The following TANGO6 variants were observed in gnomAD, a reference collection of about 807,000 sequenced individuals.
TANGO6 encodes transport and Golgi organization protein 6 homolog.
A neutral mutation model predicts 114.2 loss-of-function variants in TANGO6; 90 were observed. The observed-to-expected ratio is 0.79, with a 90% CI of 0.66 to 0.94. The LOEUF (loss-of-function observed/expected upper bound fraction) is 0.94, where lower values mean the gene tolerates loss of function less well. Ranked by LOEUF, TANGO6 falls within the 40% of genes least tolerant of loss-of-function variation. The pLI is 0.00. For synonymous variants in TANGO6, 477 were observed against 509.8 expected, an observed-to-expected ratio of 0.94 and a Z score of 0.87; for missense variants, 1,274 against 1,315.3, an observed-to-expected ratio of 0.97 and a Z score of 0.49.
At chr16:68,925,121 G>A (rs775082873) in intron 12 of TANGO6, among the ~76,000 whole-genome samples, 10 of 151,966 alleles carry the variant, frequency 6.6e-5, no homozygotes, top group Non-Finnish European at 1.3e-4. Flanking sequence ...GGCCAGCCCC[G>A]GCAACATGGC....
intron 15 of TANGO6, among the ~76,000 whole-genome samples, chr16:69,008,958 A>G (rs166118): frequency 0.63 from 95,237 of 151,600 alleles, 30,059 homozygotes; most frequent in Non-Finnish European, 0.66. Context: ...AATTTTGTAC[A>G]TGTGTCAAGA....
In TANGO6 at chr16:69,078,163, G is replaced by A. The variant is rs373666383; in HGVS notation, c.3109-5322G>A. Among the ~76,000 whole-genome samples the A allele has an allele frequency of 3.3e-5, 5 of 152,308 alleles. No homozygotes were observed. In the East Asian group the frequency reaches 9.7e-4, roughly 29 times the overall value. On this transcript the variant is annotated intron_variant, in intron 17 of 17. Transcript: ENST00000261778. ...ACTAGCATATGCAAAGGCCTTGAGAGGAGCTTTGTTCAGGCAAGAAAAGAA... is the reference window on the plus strand; with the variant it reads ...ACTAGCATATGCAAAGGCCTTGAGAAGAGCTTTGTTCAGGCAAGAAAAGAA...
intron 12 of TANGO6, among the ~76,000 whole-genome samples, chr16:68,926,439 A>G (rs1359953769): frequency 6.6e-6 from 1 of 151,324 alleles, no homozygotes; most frequent in African/African-American, 2.4e-5. Flanking sequence ...GGTTGCAGTG[A>G]GCCGAGATTA....
At chr16:68,953,698 A>T (rs1963496603) in intron 14 of TANGO6, among the ~76,000 whole-genome samples, 1 of 152,138 alleles carries the variant, frequency 6.6e-6, no homozygotes, top group African/African-American at 2.4e-5. Flanking sequence ...TGTAAAGTAG[A>T]CATTTAAGCA....
chr16:68,928,893 G>A (rs537616354), intron 13 of TANGO6, among the ~76,000 whole-genome samples: 24 of 152,124 alleles, frequency 1.6e-4, no homozygotes, highest in Admixed American at 1.3e-4. Context: ...TCCCTTCATC[G>A]TGGTGAAATA....
chr16:68,879,148 C>T (rs1022449714), intron 6 of TANGO6, among the ~76,000 whole-genome samples: 2 of 151,796 alleles, frequency 1.3e-5, no homozygotes, highest in African/African-American at 4.8e-5. Flanking sequence ...ACTTTAAAAA[C>T]TTTTTTTTAA....
Position 68,902,312 on chromosome 16 carries a change from C to T in TANGO6, c.1491-16C>T. On this transcript the variant is annotated splice_polypyrimidine_tract_variant and intron_variant, in intron 8 of 17. Transcript: ENST00000261778. ...AGTAAGATGACAAGCTCATTCATAACTGCTTTTTCTGCCAGGTCACTTTGC... is the reference window on the plus strand; with the variant it reads ...AGTAAGATGACAAGCTCATTCATAATTGCTTTTTCTGCCAGGTCACTTTGC... 1 of 1,602,478 alleles carries T rather than the reference C, an allele frequency of 6.2e-7. No individual in the cohort carries two copies. Among genetic ancestry groups the T allele is most frequent in the Non-Finnish European group, 8.5e-7 (1 of 1,175,076 alleles).
chr16:68,973,226 G>C (rs1288971960), intron 14 of TANGO6: 5 of 444,360 alleles, frequency 1.1e-5, no homozygotes, highest in South Asian at 8.0e-5. Context: ...GGTAGAAGTG[G>C]GTTCTCATCC....
chr16:68,883,423 T>G (rs1962492887), intron 7 of TANGO6, among the ~76,000 whole-genome samples: 1 of 152,248 alleles, frequency 6.6e-6, no homozygotes, highest in Admixed American at 6.5e-5. Flanking sequence ...GTGTTTTTTT[T>G]GTGATTGGCT....
intron 1 of TANGO6, chr16:68,846,476 A>G: frequency 6.1e-6 from 2 of 327,302 alleles, no homozygotes; most frequent in Non-Finnish European, 1.2e-5. Context: ...TCAAATAATT[A>G]TGTACATTCT....
intron 14 of TANGO6, among the ~76,000 whole-genome samples, chr16:68,931,863 C>CT (rs1346211800): frequency 3.3e-5 from 5 of 150,944 alleles, no homozygotes; most frequent in East Asian, 1.9e-4. Flanking sequence ...GAGTTATGCA[C>CT]TTTTTTTTTA....
intron 3 of TANGO6, among the ~76,000 whole-genome samples, chr16:68,866,718 C>T (rs993882537): frequency 2.6e-5 from 4 of 151,744 alleles, no homozygotes; most frequent in Non-Finnish European, 4.4e-5. Flanking sequence ...GGGTGGATCA[C>T]CTGAGGTCAG....
intron 17 of TANGO6, among the ~76,000 whole-genome samples, chr16:69,070,060 A>AG (rs1421387978): frequency 6.6e-6 from 1 of 151,188 alleles, no homozygotes; most frequent in East Asian, 1.9e-4. Context: ...AAAAAAAAAA[A>AG]AAAAGCTAGG....
intron 17 of TANGO6, among the ~76,000 whole-genome samples, chr16:69,058,798 T>C (rs564307998): frequency 6.6e-6 from 1 of 152,186 alleles, no homozygotes; most frequent in Non-Finnish European, 1.5e-5. Flanking sequence ...CTCGAGTAGC[T>C]GGGACTACAG....
rs77264986 is a variant in TANGO6 at position 69,026,360 on chromosome 16, T to C, written c.2994+3381T>C. The C allele has an allele frequency of 9.4e-3, 1,446 of 154,282 alleles. 23 individuals carry two copies. Among genetic ancestry groups the C allele is most frequent in the African/African-American group, 0.033 (1,371 of 41,566 alleles). 9.6% of individuals were successfully genotyped at this position (154,282 alleles called of 1,614,324 possible). The stretch of plus-strand genomic sequence containing the variant: ...TATACCATCAACATTTACGCTATAA[T>C]CTTTCTCTCTGACACGAGTTCCTAC... On this transcript the variant is annotated intron_variant, in intron 16 of 17. Coordinates refer to ENST00000261778, the MANE Select transcript of TANGO6 (RefSeq NM_024562.2).
chr16:68,863,800 ATTCTT>A (rs1238799289), intron 3 of TANGO6, among the ~76,000 whole-genome samples: 4 of 152,212 alleles, frequency 2.6e-5, no homozygotes, highest in African/African-American at 9.6e-5. Flanking sequence ...TATTGGTTCT[ATTCTT>A]AGTTCCTTTG....
intron 14 of TANGO6, among the ~76,000 whole-genome samples, chr16:68,936,930 C>T (rs1963305029): frequency 6.6e-6 from 1 of 152,154 alleles, no homozygotes; most frequent in South Asian, 2.1e-4. Flanking sequence ...GCTCTTCCAC[C>T]CTCTTCCTTT....
At position 69,027,141 on chromosome 16, in the gene TANGO6, C is replaced by G. The variant is rs149165766; in HGVS notation, c.2994+4162C>G. Among the ~76,000 whole-genome samples, 1,441 of 152,244 alleles carry G rather than the reference C, an allele frequency of 9.5e-3. 21 individuals carry two copies. Among genetic ancestry groups the G allele is most frequent in the African/African-American group, 0.033 (1,366 of 41,534 alleles). Reference sequence around the variant, plus strand: ...CCTCCCGAAGTGCTGGGATTACAGGCATGAGCCACCGCGCCCGGGCCTGAG... The same window carrying G: ...CCTCCCGAAGTGCTGGGATTACAGGGATGAGCCACCGCGCCCGGGCCTGAG... On this transcript the variant is annotated intron_variant, in intron 16 of 17. Coordinates refer to ENST00000261778, the MANE Select transcript of TANGO6 (RefSeq NM_024562.2).
chr16:68,949,275 T>C (rs1477677590), intron 14 of TANGO6, among the ~76,000 whole-genome samples: 1 of 152,226 alleles, frequency 6.6e-6, no homozygotes, highest in Non-Finnish European at 1.5e-5. Context: ...GCTTTCTGTA[T>C]AGAACTTTTG....
Sources: allele counts gnomAD v4.1 joint callset (sites outside exome capture counted in the v4.1 genomes callset), GRCh38; gene constraint gnomAD v4.1.1; transcripts MANE v1.5; gene names NCBI Gene and HGNC (gene_info 2026-07-23, HGNC 2026-07-21).